LAMB1: variants seen among roughly 807,000 people sequenced by gnomAD.
LAMB1 encodes the protein laminin subunit beta 1, also known as laminin subunit beta-1.
LAMB1 carries 121 observed loss-of-function variants against 222.3 expected under a neutral mutation model. The observed-to-expected ratio is 0.54, with a 90% CI of 0.47 to 0.63. LAMB1 has a LOEUF of 0.63. LAMB1 is among the 30% of genes least tolerant of loss of function. The pLI is 0.00. For synonymous variants in LAMB1, 794 were observed against 807.2 expected (o/e 0.98, Z 0.28); for missense variants, 2,172 against 2,240.8 (o/e 0.97, Z 0.62).
Position 107,937,156 on chromosome 7 carries a change from G to C in LAMB1, c.3883C>G (p.Leu1295Val). ...GCAAGTTCTTTCACAGTGTTGTCTA[G>C]GCTTTCGGCTTCTGTCTGTAGAGAA... ...LDSLQTEAES[L>V]DNTVKELAEQ... Residue 1295 changes from leucine (L) to valine (V), a missense_variant, in exon 26 of 34, where the codon CTA becomes GTA. Physicochemically the swap from Leu to Val is conservative, Grantham distance 32. Coordinates refer to ENST00000222399, the MANE Select transcript of LAMB1 (RefSeq NM_002291.3). 1 of 1,614,072 alleles carries C rather than the reference G, an allele frequency of 6.2e-7. No homozygotes were observed. Among genetic ancestry groups the C allele is most frequent in the Non-Finnish European group, 8.5e-7 (1 of 1,179,948 alleles).
At chr7:107,949,330 TA>T (rs2033192344) in intron 24 of LAMB1, among the ~76,000 whole-genome samples, 1 of 152,306 alleles carries the variant, frequency 6.6e-6, no homozygotes, top group South Asian at 2.1e-4. Flanking sequence ...CTAACAAAGC[TA>T]AGATGGAGCC....
rs1206180819 is a variant in LAMB1 at position 107,937,039 on chromosome 7, TA to T, written c.3946+53del. 4.1e-6 allele frequency: 6 copies of T among 1,454,106 alleles called. No individual in the cohort carries two copies. In the African/African-American group the frequency reaches 7.1e-5, roughly 17 times the overall value. 90.1% of individuals were successfully genotyped at this position (1,454,106 alleles called of 1,614,324 possible). ...CCCCAAAAGTGCTATATTAAAACGTTAGACATATCGTTAAATCCATTGTCTG... is the reference window on the plus strand; with the variant it reads ...CCCCAAAAGTGCTATATTAAAACGTTGACATATCGTTAAATCCATTGTCTG... On this transcript the variant is annotated intron_variant, in intron 26 of 33. Transcript: ENST00000222399.
intron 7 of LAMB1, 114 bp from the exon 8 acceptor site, chr7:107,980,925 G>A (rs1228750906): frequency 3.1e-6 from 2 of 637,656 alleles, no homozygotes; most frequent in East Asian, 5.4e-5. Context: ...AATAGCTTAA[G>A]TTCCTCCTCT....
chr7:107,984,951 G>C (rs1316985629), intron 7 of LAMB1, among the ~76,000 whole-genome samples: 6 of 152,152 alleles, frequency 3.9e-5, no homozygotes, highest in Non-Finnish European at 8.8e-5. Context: ...TATGGCAATT[G>C]AGCTACACTT....
intron 15 of LAMB1, among the ~76,000 whole-genome samples, chr7:107,962,484 C>G (rs570885988): frequency 3.9e-5 from 6 of 152,132 alleles, no homozygotes; most frequent in African/African-American, 1.4e-4. Flanking sequence ...GAGGCTGAGG[C>G]GGGCGAATCA....
rs1279048512 is a variant in LAMB1, at chr7:107,932,219, T to G, written c.4347A>C (p.Gln1449His). Residue 1449 changes from glutamine (Q) to histidine (H), a missense_variant, in exon 28 of 34, where the codon CAA becomes CAC. Transcript: ENST00000222399. Reference sequence around the variant, plus strand: ...CTTCAGCCAGGGCACTCAGGACATCTTGGTCCAAGTCCATGGCTTTCTGCC... The same window carrying G: ...CTTCAGCCAGGGCACTCAGGACATCGTGGTCCAAGTCCATGGCTTTCTGCC... ...NAWQKAMDLD[Q>H]DVLSALAEVE... 6.2e-7 allele frequency: 1 copy of G among 1,614,240 alleles called. No homozygotes were observed. The highest frequency in any genetic ancestry group is 1.7e-5 in the Admixed American group (1 of 60,026).
chr7:107,979,400 T>C (rs1321669889), intron 8 of LAMB1, among the ~76,000 whole-genome samples: 3 of 152,174 alleles, frequency 2.0e-5, no homozygotes, highest in Admixed American at 6.5e-5. Flanking sequence ...ACAGCCTTCA[T>C]GAGGGGAGGC....
chr7:107,962,470 T>G (rs2033526698), intron 15 of LAMB1, among the ~76,000 whole-genome samples: 1 of 152,118 alleles, frequency 6.6e-6, no homozygotes, highest in South Asian at 2.1e-4. Context: ...TCCCAGCACT[T>G]TGGGAGGCTG....
intron 13 of LAMB1, among the ~76,000 whole-genome samples, chr7:107,970,488 C>CA (rs78303178): frequency 0.049 from 2,094 of 42,842 alleles, 132 homozygotes; most frequent in African/African-American, 0.12. Flanking sequence ...AACTCTGTCT[C>CA]AAAAAAAAAA....
intron 4 of LAMB1, among the ~76,000 whole-genome samples, chr7:107,997,923 T>A (rs1379906905): frequency 1.3e-5 from 2 of 151,972 alleles, no homozygotes; most frequent in Non-Finnish European, 2.9e-5. Context: ...ACTATTACTA[T>A]CAAGACACTT....
chr7:107,970,153 G>C (rs2033717740), intron 13 of LAMB1, among the ~76,000 whole-genome samples: 1 of 152,140 alleles, frequency 6.6e-6, no homozygotes. Flanking sequence ...CAGAAGCAAT[G>C]CATCAAGGGA....
intron 13 of LAMB1, among the ~76,000 whole-genome samples, chr7:107,966,985 GGCTTTCCT>G (rs1445332420): frequency 1.3e-5 from 2 of 152,176 alleles, no homozygotes; most frequent in Non-Finnish European, 2.9e-5. Flanking sequence ...TCATTCTTGT[GGCTTTCCT>G]ATGCAGATGG....
rs557443475 is a variant in LAMB1, at chr7:107,984,271, CAG to C, written c.676+1749_676+1750del. On this transcript the variant is annotated intron_variant, in intron 7 of 33. Transcript: ENST00000222399. ...ATCTCATTTTTTTGTTTTTTTGAGA[CAG>C]AGTCTTGCTCTGTCACCCAGGCTGG... Among the ~76,000 whole-genome samples the C allele has an allele frequency of 3.7e-3, 569 of 152,154 alleles. 4 individuals carry two copies. Among genetic ancestry groups the C allele is most frequent in the Admixed American group, 0.019 (294 of 15,268 alleles).
intron 24 of LAMB1, among the ~76,000 whole-genome samples, chr7:107,943,460 TA>T (rs953181638): frequency 1.3e-5 from 2 of 152,198 alleles, no homozygotes; most frequent in African/African-American, 4.8e-5. Context: ...CTTAAGAGTT[TA>T]TGTTGTTTAG....
chr7:107,987,951 T>C (rs934857231), intron 5 of LAMB1, among the ~76,000 whole-genome samples: 8 of 152,232 alleles, frequency 5.3e-5, no homozygotes, highest in South Asian at 2.1e-4. Flanking sequence ...CTAAAAAATT[T>C]AAGTGGACAA....
Position 107,935,467 on chromosome 7 carries a change from T to A in LAMB1, c.4136A>T (p.Asp1379Val). Residue 1379 changes from aspartate to valine, a missense_variant, in exon 27 of 34, where the codon GAT becomes GTT. Physicochemically the swap from Asp to Val is radical, Grantham distance 152. Coordinates refer to ENST00000222399, the MANE Select transcript of LAMB1 (RefSeq NM_002291.3). ...EKQEEQARLL[D>V]ELAGKLQSLD... The stretch of plus-strand genomic sequence containing the variant: ...GCTTTGTAGCTTGCCTGCCAGTTCA[T>A]CAAGGAGGCGAGCCTGCTCCTCTTG... 6.4e-7 allele frequency: 1 copy of A among 1,571,490 alleles called. No individual in the cohort carries two copies. The highest frequency in any genetic ancestry group is 1.4e-5 in the African/African-American group (1 of 72,552).
rs943889657 is a variant in LAMB1, at chr7:107,986,049, C to G, written c.649G>C (p.Glu217Gln). The part of the protein sequence containing the change: ...FRALDPAFKI[E>Q]DPYSPRIQNL... Reference sequence around the variant, plus strand: ...TGTATCCTTGGGCTATAAGGATCTTCTATTTTGAAAGCAGGATCTAAAGCA... The same window carrying G: ...TGTATCCTTGGGCTATAAGGATCTTGTATTTTGAAAGCAGGATCTAAAGCA... Residue 217 changes from glutamate to glutamine, a missense_variant, in exon 7 of 34, where the codon GAA becomes CAA. Coordinates refer to ENST00000222399, the MANE Select transcript of LAMB1 (RefSeq NM_002291.3). 8 of 1,611,892 alleles carry G rather than the reference C, an allele frequency of 5.0e-6. No individual in the cohort carries two copies. The highest frequency in any genetic ancestry group is 6.8e-6 in the Non-Finnish European group (8 of 1,178,076).
chr7:107,968,830 G>A (rs1360018751), intron 13 of LAMB1, among the ~76,000 whole-genome samples: 3 of 152,168 alleles, frequency 2.0e-5, no homozygotes, highest in Non-Finnish European at 2.9e-5. Flanking sequence ...TACCAACATC[G>A]TGATTTTGGT....
At chr7:107,928,937 T>TA in intron 31 of LAMB1, 127 bp downstream of exon 31, 1 of 924,534 alleles carries the variant, frequency 1.1e-6, no homozygotes, top group Non-Finnish European at 1.7e-6. Context: ...CGGAGTAGTT[T>TA]AGATTTATTA....
Sources: gnomAD v4.1 joint callset for allele counts (sites outside exome capture counted in the v4.1 genomes callset) on GRCh38, gnomAD v4.1.1 for gene constraint, MANE v1.5 for transcripts, NCBI Gene and HGNC (gene_info 2026-07-23, HGNC 2026-07-21) for gene names.